The following CACNA1E variants were observed in gnomAD, a reference collection of about 807,000 sequenced individuals.
CACNA1E encodes voltage-dependent R-type calcium channel subunit alpha-1E.
A neutral mutation model predicts 259.2 loss-of-function variants in CACNA1E; 40 were observed. The ratio of observed to expected loss-of-function variants is 0.15; its 90% confidence interval spans 0.12 to 0.20. CACNA1E has a LOEUF of 0.20. CACNA1E is among the 10% of genes least tolerant of loss of function. The pLI, the probability that CACNA1E is intolerant of heterozygous loss-of-function variation, is 1.00. For synonymous variants in CACNA1E, 1,104 were observed against 1,138.5 expected (o/e 0.97, Z 0.61); for missense variants, 1,874 against 3,040.1 (o/e 0.62, Z 9.02).
At chr1:181,392,362 G>C (rs1656361640) in intron 1 of CACNA1E, among the ~76,000 whole-genome samples, 1 of 152,112 alleles carries the variant, frequency 6.6e-6, no homozygotes, top group Admixed American at 6.5e-5. Flanking sequence ...AAGCCTTCCT[G>C]GTTTCCTCCA....
At chr1:181,550,439 G>C (rs1648004262) in intron 3 of CACNA1E, among the ~76,000 whole-genome samples, 1 of 152,148 alleles carries the variant, frequency 6.6e-6, no homozygotes, top group African/African-American at 2.4e-5. Context: ...ACATGGGTCA[G>C]ATTGTCCCAG....
At chr1:181,474,080 T>C (rs1662684491) in intron 2 of CACNA1E, among the ~76,000 whole-genome samples, 2 of 152,226 alleles carry the variant, frequency 1.3e-5, no homozygotes, top group African/African-American at 4.8e-5. Context: ...GTTTGATCCA[T>C]GTCCATTTTT....
chr1:181,456,442 T>C (rs572081268), intron 2 of CACNA1E, among the ~76,000 whole-genome samples: 5 of 152,282 alleles, frequency 3.3e-5, no homozygotes, highest in African/African-American at 1.2e-4. Flanking sequence ...CTCCATGTGA[T>C]CTGAGGTATT....
chr1:181,715,889 C>G (rs777926676), intron 9 of CACNA1E, 151 bp from the exon 10 acceptor site: 1 of 624,878 alleles, frequency 1.6e-6, no homozygotes, highest in Non-Finnish European at 2.9e-6. Flanking sequence ...TCCGTGATTT[C>G]TGTTACCCTG....
chr1:181,592,710 C>T (rs1204756852), intron 6 of CACNA1E, among the ~76,000 whole-genome samples: 1 of 152,062 alleles, frequency 6.6e-6, no homozygotes, highest in East Asian at 1.9e-4. Context: ...ATGTCATGCC[C>T]TGTCTTTGGT....
chr1:181,420,153 T>C (rs1658614823), intron 2 of CACNA1E, among the ~76,000 whole-genome samples: 1 of 151,738 alleles, frequency 6.6e-6, no homozygotes, highest in Admixed American at 6.6e-5. Flanking sequence ...ACAAATCCTG[T>C]CTCCTAGACA....
chr1:181,351,305 C>T (rs1488610486), intron 1 of CACNA1E, among the ~76,000 whole-genome samples: 5 of 152,128 alleles, frequency 3.3e-5, no homozygotes, highest in East Asian at 1.9e-4. Flanking sequence ...TGTAGCCCCA[C>T]GGCTCAAGAA....
At chr1:181,584,121 G>A (rs1455422897) in intron 6 of CACNA1E, among the ~76,000 whole-genome samples, 1 of 152,120 alleles carries the variant, frequency 6.6e-6, no homozygotes, top group Non-Finnish European at 1.5e-5. Flanking sequence ...TATGTTATCT[G>A]CTGATTCAGT....
chr1:181,726,290 G>A (rs890306738), intron 18 of CACNA1E, 128 bp downstream of exon 18: 2 of 645,032 alleles, frequency 3.1e-6, no homozygotes, highest in Admixed American at 5.1e-5. Flanking sequence ...GAATACAGCA[G>A]TGAGCCAGAC....
At chr1:181,740,226 A>G (rs1482660496) in intron 25 of CACNA1E, among the ~76,000 whole-genome samples, 1 of 152,192 alleles carries the variant, frequency 6.6e-6, no homozygotes, top group African/African-American at 2.4e-5. Context: ...GTAGTGAGGC[A>G]GGAGAGCTTT....
chr1:181,737,011 G>C (rs1656105916), intron 22 of CACNA1E, among the ~76,000 whole-genome samples: 1 of 152,132 alleles, frequency 6.6e-6, no homozygotes, highest in African/African-American at 2.4e-5. Flanking sequence ...GGAGCAACCT[G>C]AGTTAAGGCA....
intron 3 of CACNA1E, among the ~76,000 whole-genome samples, chr1:181,524,989 A>C (rs1667248093): frequency 3.3e-5 from 5 of 152,266 alleles, no homozygotes; most frequent in Admixed American, 2.6e-4. Context: ...CATTGAGTCA[A>C]GAAATATTTG....
Position 181,785,746 on chromosome 1 carries a change from T to G in CACNA1E, c.5713T>G (p.Ser1905Ala). 6.2e-7 allele frequency: 1 copy of G among 1,613,342 alleles called. No homozygotes were observed. Among genetic ancestry groups the G allele is most frequent in the Non-Finnish European group, 8.5e-7 (1 of 1,179,710 alleles). The change falls in exon 43 of 48, where the codon TCA (serine) becomes GCA (alanine). Residue 1905 changes from serine (S) to alanine (A), a missense_variant. Coordinates refer to ENST00000367573, the MANE Select transcript of CACNA1E (RefSeq NM_001205293.3). ...NAPMFQRMEP[S>A]SLPQEIIANA... Reference sequence around the variant, plus strand: ...CCCCATGTTCCAGCGCATGGAGCCTTCATCTCTGCCTCAGGAGATCATTGC... The same window carrying G: ...CCCCATGTTCCAGCGCATGGAGCCTGCATCTCTGCCTCAGGAGATCATTGC...
chr1:181,638,728 T>A (rs923164857), intron 6 of CACNA1E, among the ~76,000 whole-genome samples: 1 of 152,162 alleles, frequency 6.6e-6, no homozygotes, highest in East Asian at 1.9e-4. Context: ...GGGGGCAGTT[T>A]CCCCCATGCT....
intron 3 of CACNA1E, among the ~76,000 whole-genome samples, chr1:181,553,426 T>C (rs1648394845): frequency 1.3e-5 from 2 of 152,228 alleles, no homozygotes; most frequent in South Asian, 4.1e-4. Context: ...GTTTTCTAAA[T>C]ATACAATTAT....
intron 2 of CACNA1E, among the ~76,000 whole-genome samples, chr1:181,422,222 C>G (rs1658800133): frequency 6.6e-6 from 1 of 152,196 alleles, no homozygotes; most frequent in Non-Finnish European, 1.5e-5. Context: ...CCACCAACCC[C>G]CACAAGAATG....
intron 1 of CACNA1E, among the ~76,000 whole-genome samples, chr1:181,326,425 C>T (rs1050807439): frequency 6.6e-6 from 1 of 152,166 alleles, no homozygotes; most frequent in African/African-American, 2.4e-5. Context: ...GAGAGGAGAG[C>T]GGAACAGCCC....
chr1:181,600,395 C>T (rs1295067371), intron 6 of CACNA1E, among the ~76,000 whole-genome samples: 1 of 152,180 alleles, frequency 6.6e-6, no homozygotes, highest in Admixed American at 6.5e-5. Flanking sequence ...CTGATATATG[C>T]TGAAAGATCA....
At chr1:181,446,074 T>A (rs998159791) in intron 2 of CACNA1E, among the ~76,000 whole-genome samples, 1 of 152,250 alleles carries the variant, frequency 6.6e-6, no homozygotes, top group Non-Finnish European at 1.5e-5. Context: ...AGCATCATTT[T>A]TCTAGGCTGG....
Sources: allele counts gnomAD v4.1 joint callset (sites outside exome capture counted in the v4.1 genomes callset), GRCh38; gene constraint gnomAD v4.1.1; transcripts MANE v1.5; gene names NCBI Gene and HGNC (gene_info 2026-07-23, HGNC 2026-07-21).